Variants in RHOBTB1 observed in about 807,000 individuals in gnomAD.
RHOBTB1 encodes the protein Rho related BTB domain containing 1.
Under a neutral mutation model 71.6 loss-of-function variants are expected in RHOBTB1, and 40 were observed. The ratio of observed to expected loss-of-function variants is 0.56; its 90% CI spans 0.43 to 0.73. The LOEUF (loss-of-function observed/expected upper bound fraction) is 0.73. RHOBTB1 is among the 30% of genes least tolerant of loss of function. RHOBTB1 has a pLI of 0.00. For synonymous variants in RHOBTB1, 319 were observed against 334.9 expected, an observed-to-expected ratio of 0.95 and a Z score of 0.52; for missense variants, 797 against 894.0, an observed-to-expected ratio of 0.89 and a Z score of 1.38.
chr10:60,922,466 A>C (rs541262023), intron 2 of RHOBTB1, among the ~76,000 whole-genome samples: 2 of 152,344 alleles, frequency 1.3e-5, no homozygotes, highest in African/African-American at 4.8e-5. Context: ...ACCACATACC[A>C]GAAACTGGAA....
intron 9 of RHOBTB1, 86 bp downstream of exon 9, chr10:60,874,854 TGACATCTTCATTTA>T: frequency 1.2e-6 from 1 of 835,688 alleles, no homozygotes; most frequent in Non-Finnish European, 2.0e-6. Flanking sequence ...GACTCAGTGG[TGACATCTTCATTTA>T]GACAGATGCA....
rs373993140 is a variant in RHOBTB1, at chr10:60,875,057, G to T, written c.1727-15C>A. On this transcript the variant is annotated splice_polypyrimidine_tract_variant and intron_variant, in intron 8 of 10. Coordinates refer to ENST00000337910, the MANE Select transcript of RHOBTB1 (RefSeq NM_014836.5). The stretch of plus-strand genomic sequence containing the variant: ...GGCATGCTGTTCTGGGGAAGAGAGA[G>T]GGGGCAGGAGAACATTAAACCACGC... The T allele has an allele frequency of 2.5e-6, 4 of 1,608,660 alleles. No individual in the cohort carries two copies. In the African/African-American group the frequency reaches 4.0e-5, roughly 16 times the overall value.
chr10:60,899,439 A>G (rs1220474529), intron 4 of RHOBTB1, among the ~76,000 whole-genome samples: 2 of 152,182 alleles, frequency 1.3e-5, no homozygotes, highest in Admixed American at 6.5e-5. Flanking sequence ...TGCACGCATA[A>G]GAAAACTTCA....
In RHOBTB1 at chr10:60,872,166, G is replaced by T. The variant is rs2080823370; in HGVS notation, c.1921+19C>A. The stretch of plus-strand genomic sequence containing the variant: ...GAGGTGAGGAGAGCTGGATGAATGG[G>T]GGCCTCACACAGTCTCACCTGCAGA... On this transcript the variant is annotated intron_variant, in intron 10 of 10. Transcript: ENST00000337910. 6.5e-7 allele frequency: 1 copy of T among 1,535,040 alleles called. No homozygotes were observed.
chr10:60,993,020 G>C (rs1469305490), intron 1 of RHOBTB1, among the ~76,000 whole-genome samples: 1 of 152,160 alleles, frequency 6.6e-6, no homozygotes, highest in Non-Finnish European at 1.5e-5. Context: ...CAATGTCTTA[G>C]GTGCATGCCT....
intron 1 of RHOBTB1, among the ~76,000 whole-genome samples, chr10:61,000,866 G>A (rs564593883): frequency 1.3e-5 from 2 of 152,166 alleles, no homozygotes; most frequent in Admixed American, 6.5e-5. Context: ...GGGCTTTCAC[G>A]GCTAACAAAC....
At chr10:60,965,081 T>C (rs902061311) in intron 2 of RHOBTB1, among the ~76,000 whole-genome samples, 12 of 152,088 alleles carry the variant, frequency 7.9e-5, no homozygotes, top group Admixed American at 1.3e-4. Context: ...GTTCAACCAT[T>C]TAACATTCGT....
intron 6 of RHOBTB1, among the ~76,000 whole-genome samples, chr10:60,887,459 C>A (rs1304484498): frequency 6.6e-6 from 1 of 152,142 alleles, no homozygotes; most frequent in Non-Finnish European, 1.5e-5. Flanking sequence ...AATTTCAGAA[C>A]AAAAATAGTC....
intron 7 of RHOBTB1, among the ~76,000 whole-genome samples, chr10:60,878,356 C>A (rs2081146085): frequency 6.6e-6 from 1 of 152,162 alleles, no homozygotes. Context: ...TAGGGGCCCT[C>A]ATGCCAAGCA....
chr10:60,971,275 C>T lies in RHOBTB1; in HGVS notation c.-62+14570G>A, dbSNP rs183293852. Among the ~76,000 whole-genome samples the T allele has an allele frequency of 3.9e-5, 6 of 152,050 alleles. No homozygotes were observed. The South Asian group carries it at 6.2e-4, about 16-fold the overall frequency. ...GAAAAGAACAAAGCTGGAGGCATCA[C>T]GCTACCTGACTTCAAACCATACTAC... On this transcript the variant is annotated intron_variant, in intron 2 of 11. Coordinates refer to the RHOBTB1 transcript ENST00000357917.
chr10:60,961,538 T>C lies in RHOBTB1; in HGVS notation c.-61-19684A>G, dbSNP rs150375398. Among the ~76,000 whole-genome samples the C allele has an allele frequency of 6.4e-3, 970 of 152,228 alleles. 11 individuals are homozygous for C. The highest frequency in any genetic ancestry group is 0.022 in the African/African-American group (918 of 41,552). On this transcript the variant is annotated intron_variant, in intron 2 of 11. Transcript: ENST00000357917. ...TAGTAAATACAGCCTCATAAGAATG[T>C]CACATGGATCTAGATTCAGAATGAA... is the stretch of plus-strand genomic sequence containing the variant.
At chr10:61,000,010 T>C (rs1462139213) in intron 1 of RHOBTB1, among the ~76,000 whole-genome samples, 2 of 152,244 alleles carry the variant, frequency 1.3e-5, no homozygotes, top group African/African-American at 4.8e-5. Context: ...GAAACATGCA[T>C]CTAAATCATC....
downstream of RHOBTB1, among the ~76,000 whole-genome samples, chr10:60,869,094 A>C (rs2080663694): frequency 6.6e-6 from 1 of 152,238 alleles, no homozygotes; most frequent in Non-Finnish European, 1.5e-5. Flanking sequence ...ACTCAGACCT[A>C]TCACTCAACT....
At chr10:60,924,439 GT>G (rs1201179078) in intron 2 of RHOBTB1, among the ~76,000 whole-genome samples, 6 of 152,082 alleles carry the variant, frequency 3.9e-5, no homozygotes, top group Admixed American at 2.0e-4. Context: ...TGACAAAGGG[GT>G]CAATTAAGCA....
chr10:60,994,555 A>C (rs758022832), intron 1 of RHOBTB1, among the ~76,000 whole-genome samples: 125 of 152,308 alleles, frequency 8.2e-4, no homozygotes, highest in Admixed American at 2.0e-3. Context: ...CAGTCTTGAA[A>C]TATCTGCATG....
intron 1 of RHOBTB1, among the ~76,000 whole-genome samples, chr10:60,997,947 C>G (rs1000566737): frequency 6.6e-6 from 1 of 152,140 alleles, no homozygotes; most frequent in Non-Finnish European, 1.5e-5. Context: ...GGCTTAGGTT[C>G]TATAGCTTAT....
chr10:60,920,492 G>T (rs1295891934), intron 2 of RHOBTB1, among the ~76,000 whole-genome samples: 1 of 152,154 alleles, frequency 6.6e-6, no homozygotes, highest in African/African-American at 2.4e-5. Flanking sequence ...GAAGCCGGAA[G>T]GTTAGAAAGG....
chr10:60,959,494 C>A (rs919999513), intron 2 of RHOBTB1, among the ~76,000 whole-genome samples: 1 of 152,162 alleles, frequency 6.6e-6, no homozygotes, highest in African/African-American at 2.4e-5. Context: ...GATTGCTCTA[C>A]ACATCACAGG....
intron 2 of RHOBTB1, among the ~76,000 whole-genome samples, chr10:60,932,058 T>C (rs1243138638): frequency 6.6e-6 from 1 of 152,240 alleles, no homozygotes; most frequent in Non-Finnish European, 1.5e-5. Context: ...AATTCAGTTT[T>C]ACATTCATTA....
Sources: allele counts gnomAD v4.1 joint callset (sites outside exome capture counted in the v4.1 genomes callset), GRCh38; gene constraint gnomAD v4.1.1; transcripts MANE v1.5; gene names NCBI Gene and HGNC (gene_info 2026-07-23, HGNC 2026-07-21).